Variants in LDLRAD4 observed in about 807,000 individuals in gnomAD.
LDLRAD4 encodes the protein low-density lipoprotein receptor class A domain-containing protein 4.
In LDLRAD4, 5 loss-of-function variants were observed where a neutral mutation model predicts 17.0. That is an observed-to-expected ratio of 0.29 (90% confidence interval 0.15 to 0.62). The LOEUF is 0.62. LDLRAD4 is among the 20% of genes least tolerant of loss of function. The probability of loss-of-function intolerance (pLI) is 0.84; values close to 1 mark genes in which losing one functional copy is unlikely to be tolerated. For missense variants in LDLRAD4, 340 were observed against 424.7 expected, an observed-to-expected ratio of 0.80 and a Z score of 1.75; for synonymous variants, 168 against 171.8, an observed-to-expected ratio of 0.98 and a Z score of 0.17.
intron 3 of LDLRAD4, among the ~76,000 whole-genome samples, chr18:13,482,346 C>A (rs1347908897): frequency 6.6e-6 from 1 of 152,190 alleles, no homozygotes; most frequent in African/African-American, 2.4e-5. Flanking sequence ...AAAAAGGAGG[C>A]CCTGCAGACC....
intron 1 of LDLRAD4, among the ~76,000 whole-genome samples, chr18:13,324,781 G>A (rs1050376734): frequency 6.6e-6 from 1 of 152,152 alleles, no homozygotes; most frequent in African/African-American, 2.4e-5. Flanking sequence ...ACCCAAAAAG[G>A]GTTTCGACAA....
At chr18:13,325,857 ATTCTC>A (rs901964904) in intron 1 of LDLRAD4, among the ~76,000 whole-genome samples, 20 of 150,906 alleles carry the variant, frequency 1.3e-4, no homozygotes, top group Admixed American at 7.3e-4. Context: ...GGTTCACGCC[ATTCTC>A]CTGCCTCAGC....
chr18:13,470,323 G>C (rs1476688292), intron 3 of LDLRAD4, among the ~76,000 whole-genome samples: 1 of 152,018 alleles, frequency 6.6e-6, no homozygotes, highest in African/African-American at 2.4e-5. Flanking sequence ...TCTCATGAAT[G>C]GTTGTGTTTC....
At chr18:13,357,933 A>G (rs2083440970) in intron 1 of LDLRAD4, among the ~76,000 whole-genome samples, 1 of 152,164 alleles carries the variant, frequency 6.6e-6, no homozygotes, top group Non-Finnish European at 1.5e-5. Flanking sequence ...TCGATCCATC[A>G]CAATTATTAT....
At chr18:13,447,883 G>A (rs948352130) in intron 3 of LDLRAD4, among the ~76,000 whole-genome samples, 1 of 152,184 alleles carries the variant, frequency 6.6e-6, no homozygotes, top group African/African-American at 2.4e-5. Context: ...CTAAGGACAC[G>A]CAATGAGACG....
At chr18:13,439,126 C>T (rs9966230) in intron 3 of LDLRAD4, among the ~76,000 whole-genome samples, 4,021 of 152,134 alleles carry the variant, frequency 0.026, 189 homozygotes, top group African/African-American at 0.092. Context: ...CCTCCTCACA[C>T]GGCCTTCTTA....
At chr18:13,620,453 C>G (rs1421414796) in intron 3 of LDLRAD4, among the ~76,000 whole-genome samples, 1 of 152,202 alleles carries the variant, frequency 6.6e-6, no homozygotes, top group Non-Finnish European at 1.5e-5. Context: ...GAAAGTGGCT[C>G]CAGGCCGCCC....
intron 4 of LDLRAD4, among the ~76,000 whole-genome samples, chr18:13,641,464 A>G (rs2042550868): frequency 6.6e-6 from 1 of 152,248 alleles, no homozygotes; most frequent in Non-Finnish European, 1.5e-5. Flanking sequence ...ACAGAGATAG[A>G]TGGATCCATC....
In LDLRAD4 at chr18:13,300,757, G is replaced by A. The variant is rs1334803801; in HGVS notation, c.-383+22569G>A. 6.6e-6 allele frequency among the ~76,000 whole-genome samples: 1 copy of A among 152,222 alleles called. No homozygotes were observed. Among genetic ancestry groups the A allele is most frequent in the Non-Finnish European group, 1.5e-5 (1 of 68,036 alleles). On this transcript the variant is annotated intron_variant, in intron 1 of 5. Transcript: ENST00000359446. The surrounding 1 kb of genome is among the most constrained non-coding windows in gnomAD (Gnocchi z 4.2). The stretch of plus-strand genomic sequence containing the variant: ...GCATTGGGTTGTATTTCAGTGAGGG[G>A]TCTAGGCTGCTGAGGATTTCTCTCT...
At chr18:13,259,794 A>G (rs1024578190) in intron 1 of LDLRAD4, among the ~76,000 whole-genome samples, 1 of 152,112 alleles carries the variant, frequency 6.6e-6, no homozygotes, top group African/African-American at 2.4e-5. Flanking sequence ...TGAGAAAGGA[A>G]GTGTTCCCAT....
At position 13,642,706 on chromosome 18, in the gene LDLRAD4, C is replaced by T. The variant is rs1161087497; in HGVS notation, c.337-653C>T. ...CTCAACCCAGCCTGCCCTCATCGGG[C>T]GGCCACTGAATGCGGTTGGACAGTC... On this transcript the variant is annotated intron_variant, in intron 4 of 5. Coordinates refer to ENST00000359446, the Ensembl canonical transcript of LDLRAD4. 3.2e-6 allele frequency: 4 copies of T among 1,231,408 alleles called. No individual in the cohort carries two copies. In the African/African-American group the frequency reaches 4.7e-5, roughly 14 times the overall value. The allele number at this position is 1,231,408 out of a possible 1,614,324, so 76.3% of individuals were successfully genotyped here. A position where few individuals can be genotyped will look rare whatever the true frequency, so the allele number is the denominator to read the frequency against.
chr18:13,230,988 T>C (rs937734090), intron 1 of LDLRAD4, among the ~76,000 whole-genome samples: 1 of 152,204 alleles, frequency 6.6e-6, no homozygotes, highest in Non-Finnish European at 1.5e-5. Flanking sequence ...TATTTATTCA[T>C]GCTCGGCGCA....
intron 3 of LDLRAD4, among the ~76,000 whole-genome samples, chr18:13,519,440 CT>C (rs2093919801): frequency 6.6e-6 from 1 of 152,176 alleles, no homozygotes; most frequent in Non-Finnish European, 1.5e-5. Flanking sequence ...CTTACCTTTT[CT>C]AAAAAGACTT....
At chr18:13,349,101 T>A (rs1435956332) in intron 1 of LDLRAD4, among the ~76,000 whole-genome samples, 1 of 152,150 alleles carries the variant, frequency 6.6e-6, no homozygotes, top group Non-Finnish European at 1.5e-5. Flanking sequence ...TGTCCGACAA[T>A]CCCCAGTGAG....
intron 5 of LDLRAD4, chr18:13,644,766 C>CATTAAAA: frequency 4.5e-6 from 1 of 222,612 alleles, no homozygotes; most frequent in Non-Finnish European, 8.8e-6. Context: ...GTGCAGGCCG[C>CATTAAAA]AGTGCTCTTC....
chr18:13,433,500 G>A (rs1389785282), intron 2 of LDLRAD4, among the ~76,000 whole-genome samples: 2 of 152,194 alleles, frequency 1.3e-5, no homozygotes, highest in Admixed American at 1.3e-4. Context: ...CTTTAAAGGA[G>A]TGTAGGGGAA....
intron 2 of LDLRAD4, among the ~76,000 whole-genome samples, chr18:13,400,955 A>G (rs2087130927): frequency 6.6e-6 from 1 of 152,186 alleles, no homozygotes; most frequent in Admixed American, 6.5e-5. Context: ...GGGGAGACAG[A>G]ATAGAGTAAT....
At chr18:13,483,438 A>C (rs1437073378) in intron 3 of LDLRAD4, among the ~76,000 whole-genome samples, 2 of 152,092 alleles carry the variant, frequency 1.3e-5, no homozygotes, top group African/African-American at 4.8e-5. Context: ...AGACCCCTGG[A>C]CCCGGGGGTC....
chr18:13,455,337 T>G (rs2092069800), intron 3 of LDLRAD4, among the ~76,000 whole-genome samples: 1 of 152,250 alleles, frequency 6.6e-6, no homozygotes. Context: ...TAATTAAATG[T>G]TGACAAAACG....
Sources: gnomAD v4.1 joint callset for allele counts (sites outside exome capture counted in the v4.1 genomes callset) on GRCh38, gnomAD v4.1.1 for gene constraint, Gnocchi (gnomAD v3.1) non-coding constraint, MANE v1.5 for transcripts, NCBI Gene and HGNC (gene_info 2026-07-23, HGNC 2026-07-21) for gene names.